PARP14: variants seen among roughly 807,000 people sequenced by gnomAD.
PARP14 encodes poly(ADP-ribose) polymerase family member 14.
In PARP14, 59 loss-of-function variants were observed where a neutral mutation model predicts 154.2. The observed-to-expected ratio is 0.38, with a 90% CI of 0.31 to 0.48. PARP14 has a LOEUF of 0.48. Ranked by LOEUF, PARP14 falls within the 20% of genes least tolerant of loss-of-function variation. The pLI is 0.98. For synonymous variants in PARP14, 720 were observed against 780.5 expected, an observed-to-expected ratio of 0.92 and a Z score of 1.29; for missense variants, 1,734 against 2,131.6, an observed-to-expected ratio of 0.81 and a Z score of 3.67.
rs1938401837 is a variant in PARP14, at chr3:122,687,254, C to T, written c.355+141C>T. ...CGCTGGGAGCTGCCTTGGACTGCAT[C>T]ATCTTCATATTCTGAGCCAGCTGTG... On this transcript the variant is annotated intron_variant, in intron 3 of 16. Coordinates refer to ENST00000474629, the MANE Select transcript of PARP14 (RefSeq NM_017554.3). 4 of 640,514 alleles carry T rather than the reference C, an allele frequency of 6.2e-6. No individual in the cohort carries two copies. In the South Asian group the frequency reaches 7.8e-5, roughly 12 times the overall value. The allele number at this position is 640,514 out of a possible 1,614,324, so 39.7% of individuals were successfully genotyped here.
chr3:122,693,905 G>C (rs1049494890), intron 4 of PARP14, among the ~76,000 whole-genome samples: 3 of 151,924 alleles, frequency 2.0e-5, no homozygotes, highest in Admixed American at 6.6e-5. Flanking sequence ...TAGTACCTGA[G>C]ACGTAGTAAT....
chr3:122,708,322 C>T (rs1429362707), intron 9 of PARP14, 54 bp downstream of exon 9: 32 of 897,468 alleles, frequency 3.6e-5, no homozygotes, highest in Non-Finnish European at 5.3e-5. Context: ...AGTAACTGTT[C>T]ATTGGCAGGT....
chr3:122,720,556 G>A, intron 15 of PARP14, 168 bp downstream of exon 15: 1 of 670,052 alleles, frequency 1.5e-6, no homozygotes, highest in Non-Finnish European at 2.7e-6. Context: ...CATAATTACT[G>A]AGGCATTAAG....
Position 122,680,950 on chromosome 3 carries a change from T to C in PARP14, c.67T>C (p.Leu23=). ...GSWGPDPPKN[L]NTKLQMYFQS... is the part of the protein sequence containing the mutation. ...CTGGGGCCCCGACCCCCCGAAGAAC[T>C]TGAACACCAAGTTGCAGATGTACTT... is the stretch of plus-strand genomic sequence containing the variant. The change falls in exon 1 of 17, where the codon TTG becomes CTG. Residue 23 remains leucine (L), a synonymous_variant. Transcript: ENST00000474629. 1 of 1,613,528 alleles carries C rather than the reference T, an allele frequency of 6.2e-7. No individual in the cohort carries two copies. The highest frequency in any genetic ancestry group is 8.5e-7 in the Non-Finnish European group (1 of 1,179,642).
In PARP14 at chr3:122,701,831, G is replaced by A. The variant is rs888612010; in HGVS notation, c.3081+196G>A. 1.3e-5 allele frequency among the ~76,000 whole-genome samples: 2 copies of A among 152,130 alleles called. No homozygotes were observed. The highest frequency in any genetic ancestry group is 6.5e-5 in the Admixed American group (1 of 15,276). On this transcript the variant is annotated intron_variant, in intron 6 of 16. Transcript: ENST00000474629. This position sits in a 1 kb window ranked among gnomAD's most constrained non-coding sequence, Gnocchi z 4.0. ...ACCAAATCATTTACTAATAGAGATC[G>A]GCCAATTATTTGTGAGAACTGAAAG... is the stretch of plus-strand genomic sequence containing the variant.
In PARP14 at chr3:122,695,590, G is replaced by A. The variant is rs1225934326; in HGVS notation, c.763G>A (p.Gly255Arg). The A allele has an allele frequency of 5.0e-6, 8 of 1,610,934 alleles. No individual in the cohort carries two copies. The highest frequency in any genetic ancestry group is 6.8e-6 in the Non-Finnish European group (8 of 1,177,670). ...KLFFENPYNG[G>R]GRVANVEYFP... ...TTTCTTTGAAAATCCCTATAATGGA[G>A]GGGGAAGAGTTGCCAATGTTGAATA... is the stretch of plus-strand genomic sequence containing the variant. Residue 255 changes from glycine to arginine, a missense_variant, in exon 5 of 17, where the codon GGG (glycine) becomes AGG (arginine). By Grantham distance (125) the Gly-to-Arg change is moderately radical. Coordinates refer to ENST00000474629, the MANE Select transcript of PARP14 (RefSeq NM_017554.3).
At chr3:122,723,045 C>A (rs1289026736) in intron 15 of PARP14, among the ~76,000 whole-genome samples, 1 of 152,010 alleles carries the variant, frequency 6.6e-6, no homozygotes, top group Non-Finnish European at 1.5e-5. Context: ...AAGCGATTCT[C>A]CTGCCTCAGC....
Position 122,699,805 on chromosome 3 carries a change from G to A in PARP14, c.1251G>A (p.Val417=). 1 of 1,614,008 alleles carries A rather than the reference G, an allele frequency of 6.2e-7. No homozygotes were observed. Residue 417 remains valine, a synonymous_variant, in exon 6 of 17, where the codon GTG becomes GTA. Transcript: ENST00000474629. ...TGTGGGACACCATAAAAAATGATGT[G>A]AAAGATGACAGGATTTTGATTGAGT... ...PTMWDTIKND[V]KDDRILIEFD... is the part of the protein sequence containing the mutation.
intron 15 of PARP14, chr3:122,721,762 C>T (rs1401553641): frequency 6.6e-6 from 1 of 152,216 alleles, no homozygotes; most frequent in Non-Finnish European, 1.5e-5. Context: ...GTAAGACCTA[C>T]ATTTTCTTTG....
intron 3 of PARP14, among the ~76,000 whole-genome samples, chr3:122,691,913 CTATT>C (rs1242474936): frequency 1.3e-5 from 2 of 152,084 alleles, no homozygotes; most frequent in Non-Finnish European, 2.9e-5. Flanking sequence ...CTATAAATGA[CTATT>C]TACTTAGCTA....
In PARP14 at chr3:122,718,698, A is replaced by G. The variant is rs1211151154; in HGVS notation, c.4547A>G (p.Lys1516Arg). The change falls in exon 14 of 17, where the codon AAG (lysine) becomes AGG (arginine). Residue 1516 changes from lysine to arginine, a missense_variant. Physicochemically the swap from Lys to Arg is conservative, Grantham distance 26. Around this residue, in one of 2 missense-constraint regions of PARP14, gnomAD observed 1,646 missense variants for 1,976.0 expected, o/e 0.83. Transcript: ENST00000474629. ...AGAGATGAAATTGAGGCGATGATCA[A>G]GAGAGTTCGATTGGCCAAAGAACAG... ...QARDEIEAMI[K>R]RVRLAKEQES... 2.5e-6 allele frequency: 4 copies of G among 1,613,700 alleles called. No individual in the cohort carries two copies. The highest frequency in any genetic ancestry group is 3.4e-6 in the Non-Finnish European group (4 of 1,179,828).
At chr3:122,728,061 G>A in intron 16 of PARP14, 75 bp downstream of exon 16, 2 of 1,342,456 alleles carry the variant, frequency 1.5e-6, no homozygotes, top group Non-Finnish European at 2.1e-6. Flanking sequence ...GGACAGTGTG[G>A]ATTCATTGTG....
rs778697929 is a variant in PARP14 at position 122,704,566 on chromosome 3, G to T, written c.3358G>T (p.Glu1120Ter). The T allele has an allele frequency of 6.2e-7, 1 of 1,608,240 alleles. No homozygotes were observed. The highest frequency in any genetic ancestry group is 8.5e-7 in the Non-Finnish European group (1 of 1,176,904). Residue 1120 changes from glutamate to a stop codon, truncating the protein, a stop_gained, in exon 8 of 17, where the codon GAG becomes TAG. Coordinates refer to ENST00000474629, the MANE Select transcript of PARP14 (RefSeq NM_017554.3). LOFTEE classifies it high-confidence loss of function. Reference protein sequence around the residue: ...DIIRECMEITESLSLKSIAFP... With the variant: ...DIIRECMEIT Reference sequence around the variant, plus strand: ...AATCAGAGAATGTATGGAGATCACTGAGAGCTTGTCCTTAAAATCAATTGC... The same window carrying T: ...AATCAGAGAATGTATGGAGATCACTTAGAGCTTGTCCTTAAAATCAATTGC...
Position 122,699,590 on chromosome 3 carries a change from G to T in PARP14, c.1036G>T (p.Asp346Tyr), listed in dbSNP as rs370339926. 6.2e-7 allele frequency: 1 copy of T among 1,613,864 alleles called. No individual in the cohort carries two copies. Among genetic ancestry groups the T allele is most frequent in the East Asian group, 2.2e-5 (1 of 44,882 alleles). The change falls in exon 6 of 17, where the codon GAT (aspartate) becomes TAT (tyrosine). Residue 346 changes from aspartate to tyrosine, a missense_variant. Physicochemically the swap from Asp to Tyr is radical, Grantham distance 160. Around this residue, in one of 2 missense-constraint regions of PARP14, gnomAD observed 1,646 missense variants for 1,976.0 expected, o/e 0.83. Coordinates refer to ENST00000474629, the MANE Select transcript of PARP14 (RefSeq NM_017554.3). ...KKNHLIEEIN[D>Y]EMRRCHCELT... ...GAATCACCTCATTGAGGAGATAAAC[G>T]ATGAAATGAGGCGTTGTCACTGTGA...
Position 122,728,939 on chromosome 3 carries a change from A to T in PARP14, c.*342A>T, listed in dbSNP as rs1576606121. ...GAGGGCACAGCTAAGCACAGCTGCC[A>T]CTGCAGGAGACAGGCCCCATGTCAG... On this transcript the variant is annotated 3_prime_UTR_variant, in exon 17 of 17. Coordinates refer to ENST00000474629, the MANE Select transcript of PARP14 (RefSeq NM_017554.3). 4.1e-6 allele frequency: 1 copy of T among 246,500 alleles called. No individual in the cohort carries two copies. The highest frequency in any genetic ancestry group is 9.8e-5 in the East Asian group (1 of 10,206). 15.3% of individuals were successfully genotyped at this position (246,500 alleles called of 1,614,324 possible).
In PARP14 at chr3:122,700,757, T is replaced by C; in HGVS notation, c.2203T>C (p.Trp735Arg). Residue 735 changes from tryptophan to arginine, a missense_variant, in exon 6 of 17, where the codon TGG becomes CGG. By Grantham distance (101) the Trp-to-Arg change is moderately radical (BLOSUM62 -3). Transcript: ENST00000474629. ...LKAVDIVKQV[W>R]DSVCVKSVHT... ...GGCAGTGGACATTGTCAAGCAAGTC[T>C]GGGATTCAGTCTGTGTTAAAAGTGT... is the stretch of plus-strand genomic sequence containing the variant. The C allele has an allele frequency of 6.2e-7, 1 of 1,613,528 alleles. No individual in the cohort carries two copies. Among genetic ancestry groups the C allele is most frequent in the South Asian group, 1.1e-5 (1 of 90,950 alleles).
At chr3:122,716,237 C>T (rs767132314) in intron 12 of PARP14, among the ~76,000 whole-genome samples, 3 of 152,200 alleles carry the variant, frequency 2.0e-5, no homozygotes, top group Non-Finnish European at 4.4e-5. Context: ...TCAAGCTCAA[C>T]GCAGACTCCA....
At position 122,700,252 on chromosome 3, in the gene PARP14, A is replaced by G; in HGVS notation, c.1698A>G (p.Ala566=). The change falls in exon 6 of 17, where the codon GCA becomes GCG. Residue 566 remains alanine (A), a synonymous_variant. Coordinates refer to ENST00000474629, the MANE Select transcript of PARP14 (RefSeq NM_017554.3). ...TTTTCATAGCACAGAAGATTCTTGC[A>G]CTTTATGAGCTAGAGGGTACAACTG... ...KCLFIAQKIL[A]LYELEGTTVL... 1 of 1,612,686 alleles carries G rather than the reference A, an allele frequency of 6.2e-7. No homozygotes were observed. Among genetic ancestry groups the G allele is most frequent in the South Asian group, 1.1e-5 (1 of 90,890 alleles).
At chr3:122,689,433 G>A (rs1252249477) in intron 3 of PARP14, among the ~76,000 whole-genome samples, 1 of 152,156 alleles carries the variant, frequency 6.6e-6, no homozygotes, top group East Asian at 1.9e-4. Flanking sequence ...AGCCTCCTAA[G>A]TAGCTGGGGC....
Sources: allele counts gnomAD v4.1 joint callset (sites outside exome capture counted in the v4.1 genomes callset), GRCh38; gene constraint gnomAD v4.1.1; regional missense constraint gnomAD v4.1.1; non-coding constraint Gnocchi (gnomAD v3.1); transcripts MANE v1.5; gene names NCBI Gene and HGNC (gene_info 2026-07-23, HGNC 2026-07-21).